CACNA2D2: variants seen among roughly 807,000 people sequenced by gnomAD.
The protein encoded by CACNA2D2 is voltage-dependent calcium channel subunit alpha-2/delta-2.
CACNA2D2 carries 48 observed loss-of-function variants against 166.4 expected under a neutral mutation model. The ratio of observed to expected loss-of-function variants is 0.29; its 90% confidence interval spans 0.23 to 0.37. CACNA2D2 has a LOEUF of 0.37. CACNA2D2 is among the 10% of genes least tolerant of loss of function. The pLI, the probability that CACNA2D2 is intolerant of heterozygous loss-of-function variation, is 1.00. For missense variants in CACNA2D2, 1,122 were observed against 1,433.0 expected (o/e 0.78, Z 3.50); for synonymous variants, 561 against 573.7 (o/e 0.98, Z 0.32).
intron 13 of CACNA2D2, 124 bp from the exon 14 acceptor site, chr3:50,378,457 T>A: frequency 1.1e-6 from 1 of 946,552 alleles, no homozygotes; most frequent in Non-Finnish European, 1.7e-6. Context: ...CTTTTTGGGG[T>A]CCTCTCCCTC....
In CACNA2D2 at chr3:50,372,228, T is replaced by C. The variant is rs148813323; in HGVS notation, c.1985-1848A>G. Among the ~76,000 whole-genome samples, 782 of 152,282 alleles carry C rather than the reference T, an allele frequency of 5.1e-3. 1 individual carries two copies. The highest frequency in any genetic ancestry group is 8.0e-3 in the Non-Finnish European group (543 of 68,012). ...CCCCAGTGTGCCAGAACCCTTCCTT[T>C]CATACCCAGCCTGATTTCCTCCAAA... On this transcript the variant is annotated intron_variant, in intron 22 of 37. Transcript: ENST00000424201.
intron 3 of CACNA2D2, among the ~76,000 whole-genome samples, chr3:50,408,954 AG>A (rs1020235712): frequency 2.6e-5 from 4 of 152,182 alleles, no homozygotes; most frequent in Admixed American, 1.3e-4. Flanking sequence ...CCCTGGGACA[AG>A]GGTCTGTTAT....
At chr3:50,461,234 G>C (rs558257406) in intron 2 of CACNA2D2, among the ~76,000 whole-genome samples, 1 of 152,204 alleles carries the variant, frequency 6.6e-6, no homozygotes, top group African/African-American at 2.4e-5. Flanking sequence ...CAATGGATCG[G>C]GAATCTGAAT....
intron 23 of CACNA2D2, 33 bp from the exon 24 acceptor site, chr3:50,368,268 TGGGGGGCTG>T: frequency 7.3e-7 from 1 of 1,373,102 alleles, no homozygotes; most frequent in Non-Finnish European, 1.0e-6. Flanking sequence ...AGAGTGGGCT[TGGGGGGCTG>T]GACAGGGCAA....
Position 50,434,412 on chromosome 3 carries a change from C to G in CACNA2D2, c.306G>C (p.Arg102=), listed in dbSNP as rs547024561. Residue 102 remains arginine (R), a synonymous_variant, in exon 3 of 38, where the codon CGG becomes CGC. Coordinates refer to ENST00000424201, the MANE Select transcript of CACNA2D2 (RefSeq NM_006030.4). The stretch of plus-strand genomic sequence containing the variant: ...CATTCTCCTGTACCTCGAACAGGTT[C>G]CGGTTGTCCTTGTAAATCTGGAAGG... ...QQLREIYKDN[R]NLFEVQENEP... 208 of 1,614,076 alleles carry G rather than the reference C, an allele frequency of 1.3e-4. 2 individuals carry two copies. The highest frequency in any genetic ancestry group is 9.2e-4 in the South Asian group (84 of 91,090).
In CACNA2D2 at chr3:50,365,497, A is replaced by G; in HGVS notation, c.2972-15T>C. On this transcript the variant is annotated splice_polypyrimidine_tract_variant and intron_variant, in intron 34 of 37. Coordinates refer to ENST00000424201, the MANE Select transcript of CACNA2D2 (RefSeq NM_006030.4). This position sits in a 1 kb window ranked among gnomAD's most constrained non-coding sequence, Gnocchi z 4.5. ...CTCCGCGGGGTCTGCGAGGGCCCAG[A>G]GCGCCTCAGCTCCGCCCACAGACCC... 6.2e-7 allele frequency: 1 copy of G among 1,612,402 alleles called. No individual in the cohort carries two copies. Among genetic ancestry groups the G allele is most frequent in the Non-Finnish European group, 8.5e-7 (1 of 1,179,578 alleles).
rs187491006 is a variant in CACNA2D2 at position 50,462,318 on chromosome 3, G to T, written c.288+13800C>A. Among the ~76,000 whole-genome samples the T allele has an allele frequency of 2.0e-4, 31 of 151,732 alleles. No individual in the cohort carries two copies. The East Asian group carries it at 5.0e-3, about 25-fold the overall frequency. ...CAGGAGAATTGCTTGAACCAGGGAG[G>T]TGGAGGTTGCAGTGAGCTGAGATGG... On this transcript the variant is annotated intron_variant, in intron 2 of 37. Coordinates refer to ENST00000424201, the MANE Select transcript of CACNA2D2 (RefSeq NM_006030.4).
intron 1 of CACNA2D2, among the ~76,000 whole-genome samples, chr3:50,498,226 G>A (rs1698803992): frequency 6.6e-6 from 1 of 152,240 alleles, no homozygotes; most frequent in East Asian, 1.9e-4. Context: ...GCTGCCCCTT[G>A]GAGAGTTCCC....
At chr3:50,383,907 C>T (rs587761790) in intron 6 of CACNA2D2, among the ~76,000 whole-genome samples, 47 of 152,286 alleles carry the variant, frequency 3.1e-4, no homozygotes, top group African/African-American at 1.0e-3. Context: ...TCTCTGTGTG[C>T]GTGCATTTGT....
chr3:50,451,379 G>A (rs1352124414), intron 2 of CACNA2D2, among the ~76,000 whole-genome samples: 2 of 151,898 alleles, frequency 1.3e-5, no homozygotes, highest in Non-Finnish European at 2.9e-5. Flanking sequence ...GCCCACCTCG[G>A]CCTCCCAAAG....
At chr3:50,381,172 CCT>C in intron 6 of CACNA2D2, 46 bp from the exon 7 acceptor site, 1 of 1,606,294 alleles carries the variant, frequency 6.2e-7, no homozygotes, top group Non-Finnish European at 8.5e-7. Flanking sequence ...TGGGCTGTGT[CCT>C]GTCGAACCCA....
intron 2 of CACNA2D2, among the ~76,000 whole-genome samples, chr3:50,474,199 G>A (rs1710215015): frequency 6.6e-6 from 1 of 152,226 alleles, no homozygotes; most frequent in African/African-American, 2.4e-5. Context: ...GAGGGTGGGG[G>A]AGACAGGCTC....
intron 2 of CACNA2D2, among the ~76,000 whole-genome samples, chr3:50,443,043 G>A (rs1231103856): frequency 6.6e-6 from 1 of 152,172 alleles, no homozygotes; most frequent in Non-Finnish European, 1.5e-5. Context: ...CAAGAACCAG[G>A]GGCCCCTGTT....
intron 1 of CACNA2D2, among the ~76,000 whole-genome samples, chr3:50,484,127 G>C (rs1698175331): frequency 6.6e-6 from 1 of 152,144 alleles, no homozygotes; most frequent in Non-Finnish European, 1.5e-5. Context: ...TGCCTCTGCT[G>C]ATGGCAGCTC....
At position 50,364,646 on chromosome 3, in the gene CACNA2D2, G is replaced by A. The variant is rs1704112605; in HGVS notation, c.*20C>T. On this transcript the variant is annotated 3_prime_UTR_variant, in exon 38 of 38. Transcript: ENST00000424201. ...AGAGGCCGGGTGAGGTGGGAGTGGA[G>A]GTGGGGTGGGGCAGGGTGCTCAGAG... 1.3e-6 allele frequency: 2 copies of A among 1,498,934 alleles called. No individual in the cohort carries two copies. Among genetic ancestry groups the A allele is most frequent in the Non-Finnish European group, 8.9e-7 (1 of 1,122,794 alleles). 92.9% of individuals were successfully genotyped at this position (1,498,934 alleles called of 1,614,324 possible). A position where few individuals can be genotyped will look rare whatever the true frequency, so the allele number is the denominator to read the frequency against.
intron 3 of CACNA2D2, among the ~76,000 whole-genome samples, chr3:50,398,540 G>A (rs1706272020): frequency 6.7e-6 from 1 of 150,228 alleles, no homozygotes; most frequent in African/African-American, 2.5e-5. Context: ...CCTGTGTAGA[G>A]GCCTGGGCTT....
chr3:50,502,640 C>G (rs554516698), intron 1 of CACNA2D2, among the ~76,000 whole-genome samples: 1 of 152,372 alleles, frequency 6.6e-6, no homozygotes, highest in East Asian at 1.9e-4. Context: ...ACTCTCTCCT[C>G]AGGTGGAGGG....
At chr3:50,446,931 G>A (rs1269584408) in intron 2 of CACNA2D2, among the ~76,000 whole-genome samples, 4 of 152,178 alleles carry the variant, frequency 2.6e-5, no homozygotes, top group Non-Finnish European at 4.4e-5. Context: ...GGCTACAGGT[G>A]CATAAACTGA....
chr3:50,410,433 G>A (rs1005054284), intron 3 of CACNA2D2, among the ~76,000 whole-genome samples: 2 of 152,134 alleles, frequency 1.3e-5, no homozygotes, highest in Non-Finnish European at 1.5e-5. Context: ...ACTACCTTGG[G>A]GTTGGTGTCC....
Sources: gnomAD v4.1 joint callset for allele counts (sites outside exome capture counted in the v4.1 genomes callset) on GRCh38, gnomAD v4.1.1 for gene constraint, Gnocchi (gnomAD v3.1) non-coding constraint, MANE v1.5 for transcripts, NCBI Gene and HGNC (gene_info 2026-07-23, HGNC 2026-07-21) for gene names.